RPS6KC1: variants seen among roughly 807,000 people sequenced by gnomAD.
The protein encoded by RPS6KC1 is ribosomal protein S6 kinase C1.
A neutral mutation model predicts 103.8 loss-of-function variants in RPS6KC1; 54 were observed. That is an observed-to-expected ratio of 0.52 (90% CI 0.42 to 0.65). The LOEUF is 0.65. Among genes scored for constraint, RPS6KC1 ranks in the 30% least tolerant of loss-of-function variants. The pLI, the probability that RPS6KC1 is intolerant of heterozygous loss-of-function variation, is 0.00. For synonymous variants in RPS6KC1, 439 were observed against 438.7 expected (o/e 1.00, Z -0.01); for missense variants, 1,151 against 1,253.8 (o/e 0.92, Z 1.24).
the RPS6KC1 span, among the ~76,000 whole-genome samples, chr1:213,351,273 C>T: frequency 6.6e-6 from 1 of 152,140 alleles, no homozygotes; most frequent in African/African-American, 2.4e-5. Context: ...GATTTGTCAG[C>T]ATGAAAAGCT....
At chr1:213,500,356 G>C in the RPS6KC1 span, among the ~76,000 whole-genome samples, 1 of 151,986 alleles carries the variant, frequency 6.6e-6, no homozygotes, top group South Asian at 2.1e-4. Context: ...CTAACGGCGC[G>C]GCCATCTCCT....
chr1:213,777,174 C>G, the RPS6KC1 span, among the ~76,000 whole-genome samples: 1 of 152,222 alleles, frequency 6.6e-6, no homozygotes, highest in South Asian at 2.1e-4. Context: ...CTCTGAAGAA[C>G]TTTTTCTTCA....
At chr1:213,215,037 T>G (rs2093622217) in intron 8 of RPS6KC1, among the ~76,000 whole-genome samples, 1 of 152,188 alleles carries the variant, frequency 6.6e-6, no homozygotes, top group Non-Finnish European at 1.5e-5. Context: ...AGAATGACTT[T>G]GACAAGTTGA....
chr1:213,494,478 A>G, the RPS6KC1 span, among the ~76,000 whole-genome samples: 1 of 152,118 alleles, frequency 6.6e-6, no homozygotes, highest in African/African-American at 2.4e-5. Context: ...TAATAGCGGT[A>G]CTTAGAAACA....
At chr1:213,483,274 C>T in the RPS6KC1 span, among the ~76,000 whole-genome samples, 1 of 152,200 alleles carries the variant, frequency 6.6e-6, no homozygotes, top group Non-Finnish European at 1.5e-5. Context: ...TTACCACCCA[C>T]TGGGTCCCTC....
the RPS6KC1 span, among the ~76,000 whole-genome samples, chr1:213,480,754 A>G: frequency 6.6e-6 from 1 of 152,110 alleles, no homozygotes; most frequent in African/African-American, 2.4e-5. Context: ...TCCATATTAT[A>G]CAGTAAGTAG....
chr1:213,722,042 C>T, the RPS6KC1 span, among the ~76,000 whole-genome samples: 1 of 152,116 alleles, frequency 6.6e-6, no homozygotes, highest in African/African-American at 2.4e-5. Context: ...GTGCATGCTG[C>T]CAAGAGGTCA....
chr1:213,389,782 C>G, the RPS6KC1 span, among the ~76,000 whole-genome samples: 2 of 152,148 alleles, frequency 1.3e-5, no homozygotes, highest in Non-Finnish European at 2.9e-5. Context: ...CATACAGAGG[C>G]ACCCGAGCAA....
the RPS6KC1 span, among the ~76,000 whole-genome samples, chr1:213,303,316 G>T: frequency 6.6e-6 from 1 of 152,274 alleles, no homozygotes; most frequent in African/African-American, 2.4e-5. Flanking sequence ...GTGAAAGCTG[G>T]TATTCCCTCC....
the RPS6KC1 span, among the ~76,000 whole-genome samples, chr1:213,589,855 G>A: frequency 6.6e-6 from 1 of 151,936 alleles, no homozygotes; most frequent in Non-Finnish European, 1.5e-5. Context: ...CAGGCAATGG[G>A]CTGAAAGATG....
At chr1:213,174,468 G>A (rs1398591625) in intron 7 of RPS6KC1, among the ~76,000 whole-genome samples, 2 of 151,986 alleles carry the variant, frequency 1.3e-5, no homozygotes, top group African/African-American at 4.8e-5. Flanking sequence ...TCAGGAGTTC[G>A]AAACCAGCCT....
At chr1:213,209,806 G>T (rs1196382509) in intron 8 of RPS6KC1, among the ~76,000 whole-genome samples, 3 of 149,196 alleles carry the variant, frequency 2.0e-5, no homozygotes, top group Non-Finnish European at 4.5e-5. Flanking sequence ...CTTGATTATA[G>T]AAACTGAACA....
chr1:213,363,690 CT>C, the RPS6KC1 span, among the ~76,000 whole-genome samples: 13 of 99,886 alleles, frequency 1.3e-4, 1 homozygote, highest in East Asian at 6.4e-4. Context: ...TTCTTTCTTT[CT>C]TTCTTTCTTT....
intron 12 of RPS6KC1, among the ~76,000 whole-genome samples, chr1:213,250,816 AT>A (rs1210038782): frequency 1.3e-5 from 2 of 152,198 alleles, no homozygotes; most frequent in Admixed American, 6.5e-5. Context: ...CCATTGTCAT[AT>A]ACAAAAACTT....
chr1:213,680,316 G>T, the RPS6KC1 span, among the ~76,000 whole-genome samples: 1 of 152,186 alleles, frequency 6.6e-6, no homozygotes, highest in African/African-American at 2.4e-5. Flanking sequence ...CACGAGATGT[G>T]AATCAGTCGA....
chr1:213,207,649 G>C (rs115204155), intron 8 of RPS6KC1, among the ~76,000 whole-genome samples: 2 of 151,986 alleles, frequency 1.3e-5, no homozygotes, highest in South Asian at 2.1e-4. Context: ...GCACATGTGC[G>C]TGTTTATAAA....
the RPS6KC1 span, among the ~76,000 whole-genome samples, chr1:213,641,678 A>G: frequency 6.6e-6 from 1 of 151,438 alleles, no homozygotes; most frequent in African/African-American, 2.4e-5. Context: ...TGAGTTCCTC[A>G]CTCTCTGTGA....
chr1:213,100,830 C>T (rs1456599653), intron 3 of RPS6KC1, among the ~76,000 whole-genome samples: 1 of 151,410 alleles, frequency 6.6e-6, no homozygotes, highest in Non-Finnish European at 1.5e-5. Context: ...TTATCCAGTC[C>T]ACTGTTGATG....
chr1:213,204,400 T>C (rs2093273826), intron 8 of RPS6KC1, among the ~76,000 whole-genome samples: 2 of 152,230 alleles, frequency 1.3e-5, no homozygotes, highest in Non-Finnish European at 2.9e-5. Flanking sequence ...TTCTTTTTAA[T>C]AACCAGAAAG....
Sources: gnomAD v4.1 joint callset for allele counts (sites outside exome capture counted in the v4.1 genomes callset) on GRCh38, gnomAD v4.1.1 for gene constraint, MANE v1.5 for transcripts, NCBI Gene and HGNC (gene_info 2026-07-23, HGNC 2026-07-21) for gene names.